SAMD12: variants seen among roughly 807,000 people sequenced by gnomAD.
SAMD12 encodes sterile alpha motif domain-containing protein 12.
A neutral mutation model predicts 15.0 loss-of-function variants in SAMD12; 9 were observed. The ratio of observed to expected loss-of-function variants is 0.60; its 90% CI spans 0.36 to 1.05. The LOEUF is 1.05. Ranked by LOEUF, SAMD12 falls within the 50% of genes least tolerant of loss-of-function variation. The pLI is 0.01. For missense variants in SAMD12, 230 were observed against 234.2 expected (o/e 0.98, Z 0.12); for synonymous variants, 86 against 90.1 (o/e 0.96, Z 0.25).
At chr8:118,410,448 C>T (rs74532410) in intron 3 of SAMD12, among the ~76,000 whole-genome samples, 1,830 of 152,284 alleles carry the variant, frequency 0.012, 34 homozygotes, top group African/African-American at 0.035. Context: ...GAGTTAGGGA[C>T]GATATCTCCT....
the SAMD12 span, among the ~76,000 whole-genome samples, chr8:118,147,983 A>T: frequency 1.6e-4 from 24 of 151,156 alleles, no homozygotes; most frequent in Admixed American, 1.5e-3. Flanking sequence ...GCTGGAGTGC[A>T]GTGGTGTGAT....
rs532861820 is a variant in SAMD12 at position 118,434,866 on chromosome 8, C to T, written c.322+4966G>A. Among the ~76,000 whole-genome samples, 25 of 25,486 alleles carry T rather than the reference C, an allele frequency of 9.8e-4. 6 individuals are homozygous for T. In the South Asian group the frequency reaches 0.033, roughly 33 times the overall value. The allele number at this position is 25,486 out of a possible 152,430, so 16.7% of individuals were successfully genotyped here. A position where few individuals can be genotyped will look rare whatever the true frequency, so the allele number is the denominator to read the frequency against. ...CTGTAATCCCAGCACTTTGGGAGGCCGAGGCGGGCGGATCACGAGGTCAGG... is the reference window on the plus strand; with the variant it reads ...CTGTAATCCCAGCACTTTGGGAGGCTGAGGCGGGCGGATCACGAGGTCAGG... On this transcript the variant is annotated intron_variant, in intron 3 of 3. Transcript: ENST00000314727.
intron 2 of SAMD12, among the ~76,000 whole-genome samples, chr8:118,572,368 A>C (rs1402864212): frequency 6.6e-6 from 1 of 152,200 alleles, no homozygotes; most frequent in East Asian, 1.9e-4. Context: ...AGAATGAGTT[A>C]AGACTATGTG....
At chr8:118,538,339 G>A (rs1825903849) in intron 2 of SAMD12, among the ~76,000 whole-genome samples, 1 of 152,176 alleles carries the variant, frequency 6.6e-6, no homozygotes, top group African/African-American at 2.4e-5. Flanking sequence ...CCCAAGAACT[G>A]TAGTCCTTGT....
chr8:118,170,935 G>A, the SAMD12 span, among the ~76,000 whole-genome samples: 12 of 151,978 alleles, frequency 7.9e-5, no homozygotes, highest in Non-Finnish European at 1.6e-4. Context: ...ATCTGATAAG[G>A]GACTTGTATT....
At chr8:118,512,416 T>G (rs1353788811) in intron 2 of SAMD12, among the ~76,000 whole-genome samples, 1 of 152,212 alleles carries the variant, frequency 6.6e-6, no homozygotes, top group Non-Finnish European at 1.5e-5. Context: ...TTGCATAAAA[T>G]AGACTGAGTT....
intron 2 of SAMD12, among the ~76,000 whole-genome samples, chr8:118,556,054 G>A (rs980340882): frequency 6.6e-6 from 1 of 152,202 alleles, no homozygotes; most frequent in South Asian, 2.1e-4. Flanking sequence ...ATGGGGAACT[G>A]GAGAATGCCA....
intron 4 of SAMD12, among the ~76,000 whole-genome samples, chr8:118,364,358 T>C (rs1173507554): frequency 6.6e-6 from 1 of 152,182 alleles, no homozygotes; most frequent in African/African-American, 2.4e-5. Flanking sequence ...CTTGAAGACA[T>C]AACCTGCAAG....
At chr8:118,137,180 A>T in the SAMD12 span, among the ~76,000 whole-genome samples, 9 of 152,196 alleles carry the variant, frequency 5.9e-5, no homozygotes, top group African/African-American at 2.2e-4. Context: ...TGTTCACTCT[A>T]TGCAAATGAA....
rs1305220881 is a variant in SAMD12, at chr8:118,379,390, G to GA, written c.*26dup. On this transcript the variant is annotated 3_prime_UTR_variant, in exon 4 of 4. Coordinates refer to ENST00000314727, the MANE Select transcript of SAMD12 (RefSeq NM_207506.3). ...TGCATCCTTCTCCCTAGTGAGCTAT[G>GA]AAAAAAGTTTTCAAAGGGAAGTAAT... 1 of 1,605,604 alleles carries GA rather than the reference G, an allele frequency of 6.2e-7. No individual in the cohort carries two copies. Among genetic ancestry groups the GA allele is most frequent in the Non-Finnish European group, 8.5e-7 (1 of 1,176,238 alleles).
intron 1 of SAMD12, among the ~76,000 whole-genome samples, chr8:118,582,100 G>T (rs1028763620): frequency 2.0e-5 from 3 of 152,010 alleles, no homozygotes; most frequent in African/African-American, 7.2e-5. Flanking sequence ...GAGTACTTTA[G>T]ACCTGAGGGA....
At chr8:118,515,551 G>C (rs900756033) in intron 2 of SAMD12, among the ~76,000 whole-genome samples, 1 of 152,092 alleles carries the variant, frequency 6.6e-6, no homozygotes, top group African/African-American at 2.4e-5. Context: ...AGAGTAGCAA[G>C]ATAGTACAGG....
At chr8:118,553,533 A>G (rs1826418825) in intron 2 of SAMD12, among the ~76,000 whole-genome samples, 1 of 152,082 alleles carries the variant, frequency 6.6e-6, no homozygotes, top group African/African-American at 2.4e-5. Flanking sequence ...AAATCAATTC[A>G]AGATGGATTA....
At chr8:118,293,611 C>T (rs57969351) in intron 4 of SAMD12, among the ~76,000 whole-genome samples, 2,352 of 152,210 alleles carry the variant, frequency 0.015, 59 homozygotes, top group South Asian at 0.052. Context: ...CCTTTATTTA[C>T]TTATTTTTTA....
chr8:118,250,358 A>C (rs996930921), intron 4 of SAMD12, among the ~76,000 whole-genome samples: 4 of 152,164 alleles, frequency 2.6e-5, no homozygotes, highest in Non-Finnish European at 5.9e-5. Flanking sequence ...AGAATGAAAT[A>C]GAATATTTTA....
intron 2 of SAMD12, among the ~76,000 whole-genome samples, chr8:118,502,400 C>A (rs1176802678): frequency 6.6e-6 from 1 of 152,096 alleles, no homozygotes; most frequent in Admixed American, 6.5e-5. Flanking sequence ...TTTATTTCTG[C>A]ATGTTGTTTC....
the SAMD12 span, among the ~76,000 whole-genome samples, chr8:118,180,322 G>A: frequency 1.3e-5 from 2 of 152,172 alleles, no homozygotes; most frequent in African/African-American, 4.8e-5. Context: ...TTTGACAAAC[G>A]ATAGATGAGA....
chr8:118,488,603 A>C (rs1824352496), intron 2 of SAMD12, among the ~76,000 whole-genome samples: 3 of 152,282 alleles, frequency 2.0e-5, no homozygotes, highest in Admixed American at 6.5e-5. Context: ...CCTTCTGTTG[A>C]ATCTTACAAA....
rs181857718 is a variant in SAMD12 at position 118,351,596 on chromosome 8, T to A, written c.433+27964A>T. On this transcript the variant is annotated intron_variant, in intron 4 of 4. Coordinates refer to the SAMD12 transcript ENST00000409003. ...CTGATAGCAAGGCTATCAGGTTATG[T>A]ATGTGTATGTAGGATTGACATACAC... Among the ~76,000 whole-genome samples the A allele has an allele frequency of 6.6e-3, 1,007 of 152,276 alleles. 16 individuals are homozygous for A. The highest frequency in any genetic ancestry group is 7.6e-3 in the Non-Finnish European group (518 of 68,012).
Sources: allele counts gnomAD v4.1 joint callset (sites outside exome capture counted in the v4.1 genomes callset), GRCh38; gene constraint gnomAD v4.1.1; transcripts MANE v1.5; gene names NCBI Gene and HGNC (gene_info 2026-07-23, HGNC 2026-07-21).